The following IL2RB variants were observed in gnomAD, a reference collection of about 807,000 sequenced individuals.
The protein encoded by IL2RB is interleukin 2 receptor subunit beta, also known as interleukin-2 receptor subunit beta.
IL2RB carries 17 observed loss-of-function variants against 44.2 expected under a neutral mutation model. The observed-to-expected ratio is 0.38, with a 90% CI of 0.26 to 0.58. The LOEUF (loss-of-function observed/expected upper bound fraction) is 0.58. Among genes scored for constraint, IL2RB ranks in the 20% least tolerant of loss-of-function variants. The pLI is 0.63. For synonymous variants in IL2RB, 286 were observed against 297.9 expected, an observed-to-expected ratio of 0.96 and a Z score of 0.41; for missense variants, 624 against 685.5, an observed-to-expected ratio of 0.91 and a Z score of 1.00.
intron 8 of IL2RB, among the ~76,000 whole-genome samples, chr22:37,134,803 T>C (rs1921601670): frequency 6.6e-6 from 1 of 152,180 alleles, no homozygotes; most frequent in African/African-American, 2.4e-5. Context: ...CTTCCCCCAC[T>C]GGGCCGTGAG....
At chr22:37,157,671 CT>C (rs1922726741) in intron 1 of IL2RB, among the ~76,000 whole-genome samples, 1 of 152,202 alleles carries the variant, frequency 6.6e-6, no homozygotes, top group Non-Finnish European at 1.5e-5. Context: ...AAAACCAGTC[CT>C]TCCCTGATCT....
At chr22:37,135,740 CCT>C (rs1344062305) in intron 7 of IL2RB, among the ~76,000 whole-genome samples, 1 of 151,820 alleles carries the variant, frequency 6.6e-6, no homozygotes, top group East Asian at 1.9e-4. Context: ...TGGCTGCACC[CCT>C]CTCTCCACCT....
intron 4 of IL2RB, among the ~76,000 whole-genome samples, chr22:37,139,665 C>T (rs1370391015): frequency 2.0e-5 from 3 of 152,174 alleles, no homozygotes; most frequent in Non-Finnish European, 2.9e-5. Context: ...TGGAACTATA[C>T]CTGTTTAACA....
At position 37,140,989 on chromosome 22, in the gene IL2RB, G is replaced by A. The variant is rs1921939245; in HGVS notation, c.282+1445C>T. 2.0e-5 allele frequency among the ~76,000 whole-genome samples: 3 copies of A among 152,162 alleles called. No individual in the cohort carries two copies. In the South Asian group the frequency reaches 6.2e-4, roughly 32 times the overall value. ...TGAAGGCCGCAGCTGCCCATCCGGAGTGGCCGCTGCTAAAACTCTGGCTGC... is the reference window on the plus strand; with the variant it reads ...TGAAGGCCGCAGCTGCCCATCCGGAATGGCCGCTGCTAAAACTCTGGCTGC... On this transcript the variant is annotated intron_variant, in intron 4 of 9. Transcript: ENST00000216223.
intron 1 of IL2RB, 77 bp from the exon 2 acceptor site, chr22:37,144,282 C>T: frequency 6.8e-7 from 1 of 1,467,294 alleles, no homozygotes; most frequent in Non-Finnish European, 9.0e-7. Flanking sequence ...CAGGCTGGGC[C>T]CGCCCCCTCA....
At position 37,128,608 on chromosome 22, in the gene IL2RB, A is replaced by C; in HGVS notation, c.1144T>G (p.Phe382Val). The change falls in exon 10 of 10, where the codon TTT (phenylalanine) becomes GTT (valine). Residue 382 changes from phenylalanine (F) to valine (V), a missense_variant. By Grantham distance (50) the Phe-to-Val change is conservative. This residue lies in a region of IL2RB where 291 missense variants were observed against 275.5 expected (regional missense o/e 1.06). Coordinates refer to ENST00000216223, the MANE Select transcript of IL2RB (RefSeq NM_000878.5). This position sits in a 1 kb window ranked among gnomAD's most constrained non-coding sequence, Gnocchi z 4.5. The part of the protein sequence containing the change: ...ALEIEACQVY[F>V]TYDPYSEEDP... Reference sequence around the variant, plus strand: ...TCCTCTGAGTAGGGGTCGTAAGTAAAGTACACCTGGCAGGCCTCTATCTCC... The same window carrying C: ...TCCTCTGAGTAGGGGTCGTAAGTAACGTACACCTGGCAGGCCTCTATCTCC... 1 of 1,614,092 alleles carries C rather than the reference A, an allele frequency of 6.2e-7. No homozygotes were observed. Among genetic ancestry groups the C allele is most frequent in the South Asian group, 1.1e-5 (1 of 91,090 alleles).
intron 1 of IL2RB, among the ~76,000 whole-genome samples, chr22:37,169,637 G>T (rs1258725682): frequency 6.6e-6 from 1 of 150,728 alleles, no homozygotes; most frequent in Admixed American, 6.6e-5. Flanking sequence ...ACGCAGAATC[G>T]CTTGCATGCC....
upstream of IL2RB, among the ~76,000 whole-genome samples, chr22:37,152,776 T>C (rs1383079049): frequency 1.3e-5 from 2 of 151,984 alleles, no homozygotes; most frequent in Non-Finnish European, 2.9e-5. Context: ...AACTTATGGA[T>C]TGGTCTTTAG....
At chr22:37,158,839 A>T (rs777791903) in intron 1 of IL2RB, among the ~76,000 whole-genome samples, 1 of 152,212 alleles carries the variant, frequency 6.6e-6, no homozygotes, top group African/African-American at 2.4e-5. Context: ...TTCCTACCTG[A>T]AACTGTCCCT....
rs547908350 is a variant in IL2RB at position 37,172,482 on chromosome 22, GAGGT to G, written c.-34+2472_-34+2475del. Among the ~76,000 whole-genome samples, 10 of 152,286 alleles carry G rather than the reference GAGGT, an allele frequency of 6.6e-5. No individual in the cohort carries two copies. The East Asian group carries it at 1.5e-3, about 24-fold the overall frequency. ...TCAACCATCCAATAGGGCCCAGAAT[GAGGT>G]AGAGAGATGAGCCCAAGGGTGGGGT... On this transcript the variant is annotated intron_variant, in intron 1 of 5. Transcript: ENST00000429622.
intron 5 of IL2RB, 106 bp from the exon 6 acceptor site, chr22:37,137,841 C>G: frequency 4.9e-6 from 5 of 1,023,754 alleles, no homozygotes; most frequent in Non-Finnish European, 5.8e-6. Flanking sequence ...TCCCCTACCC[C>G]CCGACCCAAA....
At chr22:37,148,934 C>T (rs1026102358) in intron 1 of IL2RB, among the ~76,000 whole-genome samples, 3 of 152,096 alleles carry the variant, frequency 2.0e-5, no homozygotes. Context: ...TATGTCCCCT[C>T]GTCCTCTCTG....
chr22:37,134,882 A>G (rs1260273369), intron 8 of IL2RB, among the ~76,000 whole-genome samples: 1 of 152,178 alleles, frequency 6.6e-6, no homozygotes, highest in East Asian at 1.9e-4. Context: ...TGTACCTGGC[A>G]TGCAGCTCGT....
intron 1 of IL2RB, among the ~76,000 whole-genome samples, chr22:37,156,548 A>T (rs1922686028): frequency 6.6e-6 from 1 of 152,186 alleles, no homozygotes; most frequent in Admixed American, 6.5e-5. Flanking sequence ...GAGCTATTCA[A>T]GCTCCACCCA....
At chr22:37,163,995 C>T (rs1248661663) in intron 1 of IL2RB, among the ~76,000 whole-genome samples, 1 of 152,210 alleles carries the variant, frequency 6.6e-6, no homozygotes. Flanking sequence ...TGCTCATGCA[C>T]GAAGGTGCTT....
chr22:37,169,089 GT>G (rs891784420), intron 1 of IL2RB, among the ~76,000 whole-genome samples: 2 of 151,784 alleles, frequency 1.3e-5, no homozygotes, highest in Non-Finnish European at 2.9e-5. Context: ...TTACAGAGGG[GT>G]TCTGTTTACA....
intron 3 of IL2RB, 84 bp from the exon 4 acceptor site, chr22:37,142,596 G>A (rs769809983): frequency 3.2e-5 from 44 of 1,389,968 alleles, no homozygotes; most frequent in Non-Finnish European, 4.4e-5. Context: ...TCTCTCTGCT[G>A]CCAGGATGGC....
At chr22:37,145,019 T>G (rs1046835305) in intron 1 of IL2RB, among the ~76,000 whole-genome samples, 1 of 152,212 alleles carries the variant, frequency 6.6e-6, no homozygotes. Context: ...TAGACAGAGC[T>G]AAAGTCAGCA....
At chr22:37,154,765 G>A (rs1922620241), upstream of IL2RB, among the ~76,000 whole-genome samples, 1 of 151,962 alleles carries the variant, frequency 6.6e-6, no homozygotes, top group African/African-American at 2.4e-5. Context: ...CAGTAGAGAT[G>A]GGGTTTCACC....
Sources: gnomAD v4.1 joint callset for allele counts (sites outside exome capture counted in the v4.1 genomes callset) on GRCh38, gnomAD v4.1.1 for gene constraint, gnomAD v4.1.1 regional missense constraint, Gnocchi (gnomAD v3.1) non-coding constraint, MANE v1.5 for transcripts, NCBI Gene and HGNC (gene_info 2026-07-23, HGNC 2026-07-21) for gene names.